Variants in PACSIN2 observed in about 807,000 individuals in gnomAD.
PACSIN2 encodes protein kinase C and casein kinase substrate in neurons 2, also known as protein kinase C and casein kinase substrate in neurons protein 2.
In PACSIN2, 25 loss-of-function variants were observed where a neutral mutation model predicts 63.8. The ratio of observed to expected loss-of-function variants is 0.39; its 90% CI spans 0.29 to 0.55. The LOEUF (loss-of-function observed/expected upper bound fraction) is 0.55. Among genes scored for constraint, PACSIN2 ranks in the 20% least tolerant of loss-of-function variants. The probability of loss-of-function intolerance (pLI) is 0.62; values close to 1 mark genes in which losing one functional copy is unlikely to be tolerated. For missense variants in PACSIN2, 518 were observed against 646.9 expected, an observed-to-expected ratio of 0.80 and a Z score of 2.16; for synonymous variants, 255 against 256.2, an observed-to-expected ratio of 1.00 and a Z score of 0.05.
rs564464326 is a variant in PACSIN2 at position 42,923,669 on chromosome 22, C to T, written c.-77-11512G>A. On this transcript the variant is annotated intron_variant, in intron 1 of 10. Coordinates refer to ENST00000263246, the MANE Select transcript of PACSIN2 (RefSeq NM_001184970.3). ...GTCTCGATCTCCTGACCTCGTGATCCGCCCGCCTCGGCCTCCCAAAGTGCT... is the reference window on the plus strand; with the variant it reads ...GTCTCGATCTCCTGACCTCGTGATCTGCCCGCCTCGGCCTCCCAAAGTGCT... 9.9e-5 allele frequency among the ~76,000 whole-genome samples: 15 copies of T among 152,248 alleles called. No homozygotes were observed. The Middle Eastern group carries it at 0.014, about 138-fold the overall frequency.
At chr22:42,989,624 G>A (rs1433217995) in intron 1 of PACSIN2, among the ~76,000 whole-genome samples, 5 of 149,684 alleles carry the variant, frequency 3.3e-5, no homozygotes, top group East Asian at 2.0e-4. Context: ...GTGAAACCCC[G>A]TCTCTACTAA....
chr22:42,910,909 ATT>A (rs67845012), intron 2 of PACSIN2, among the ~76,000 whole-genome samples: 1 of 146,938 alleles, frequency 6.8e-6, no homozygotes, highest in Non-Finnish European at 1.5e-5. Flanking sequence ...TTAACACATA[ATT>A]TTTTTTTTTT....
intron 1 of PACSIN2, among the ~76,000 whole-genome samples, chr22:42,915,315 C>T (rs1931740488): frequency 6.6e-6 from 1 of 152,168 alleles, no homozygotes; most frequent in African/African-American, 2.4e-5. Flanking sequence ...AGGACATATG[C>T]TCTTAGCTGA....
At chr22:42,969,608 A>G (rs1921091377) in intron 1 of PACSIN2, among the ~76,000 whole-genome samples, 2 of 152,186 alleles carry the variant, frequency 1.3e-5, no homozygotes. Context: ...GTAGATTGGA[A>G]ATAGTTTTCC....
At position 42,870,146 on chromosome 22, in the gene PACSIN2, G is replaced by A. The variant is rs897152332; in HGVS notation, c.*1211C>T. 1 of 152,162 alleles carries A rather than the reference G, an allele frequency of 6.6e-6. No homozygotes were observed. Among genetic ancestry groups the A allele is most frequent in the Non-Finnish European group, 1.5e-5 (1 of 68,050 alleles). 9.4% of individuals were successfully genotyped at this position (152,162 alleles called of 1,614,324 possible). On this transcript the variant is annotated 3_prime_UTR_variant, in exon 11 of 11. Coordinates refer to ENST00000263246, the MANE Select transcript of PACSIN2 (RefSeq NM_001184970.3). ...GTGCTGCGGGTAAGACCCAGCTTCT[G>A]TTTGTGCACAAGTAACACGACGACT...
chr22:42,876,741 G>A (rs1449050067), intron 9 of PACSIN2, 147 bp downstream of exon 9: 4 of 947,532 alleles, frequency 4.2e-6, no homozygotes, highest in Non-Finnish European at 6.6e-6. Flanking sequence ...AGAGCAGGTA[G>A]TGGGCCAGGG....
intron 6 of PACSIN2, among the ~76,000 whole-genome samples, chr22:42,882,830 AG>A (rs1929181931): frequency 6.6e-6 from 1 of 152,054 alleles, no homozygotes; most frequent in Non-Finnish European, 1.5e-5. Context: ...CTGCCCTGCC[AG>A]GGAAGAGTAT....
At chr22:42,950,424 G>GAGGGAGAGAGGGGACC (rs1933638875) in intron 1 of PACSIN2, among the ~76,000 whole-genome samples, 4 of 260 alleles carry the variant, frequency 0.015, no homozygotes, top group Admixed American at 0.05. Context: ...AGGGAAGGGA[G>GAGGGAGAGAGGGGACC]TGGGCAGGTG....
intron 1 of PACSIN2, among the ~76,000 whole-genome samples, chr22:42,977,837 G>T (rs1485647364): frequency 1.3e-5 from 2 of 152,154 alleles, no homozygotes; most frequent in Non-Finnish European, 2.9e-5. Context: ...CTTCCACCAT[G>T]ATTGTAGTTT....
At chr22:42,979,523 C>CAAAAAAAAAAAAAA (rs768725896) in intron 1 of PACSIN2, among the ~76,000 whole-genome samples, 1 of 61,644 alleles carries the variant, frequency 1.6e-5, no homozygotes, top group Non-Finnish European at 3.2e-5. Flanking sequence ...GACTCCCTCT[C>CAAAAAAAAAAAAAA]AAAAAAAAAA....
intron 1 of PACSIN2, among the ~76,000 whole-genome samples, chr22:43,002,002 G>C (rs1923797823): frequency 6.6e-6 from 1 of 152,172 alleles, no homozygotes; most frequent in Non-Finnish European, 1.5e-5. Flanking sequence ...TGGAGGGTAG[G>C]AAAGTCAGTC....
chr22:43,010,398 A>ATTTTTTTTTT (rs1555950816), intron 1 of PACSIN2, among the ~76,000 whole-genome samples: 2 of 126,396 alleles, frequency 1.6e-5, no homozygotes, highest in African/African-American at 5.7e-5. Context: ...ATATATATAT[A>ATTTTTTTTTT]TTTTTTTTTA....
intron 1 of PACSIN2, among the ~76,000 whole-genome samples, chr22:42,932,242 C>T (rs1932794025): frequency 6.6e-6 from 1 of 152,188 alleles, no homozygotes; most frequent in Non-Finnish European, 1.5e-5. Context: ...TTCCCTCTGC[C>T]AGGAATGTTC....
At chr22:42,982,869 T>TAAAAAAAAAAAAAAAAAAAAA (rs1252040629) in intron 1 of PACSIN2, among the ~76,000 whole-genome samples, 3 of 44,014 alleles carry the variant, frequency 6.8e-5, no homozygotes, top group African/African-American at 1.4e-4. Flanking sequence ...GAATGATCAA[T>TAAAAAAAAAAAAAAAAAAAAA]AAAAAAAAAA....
At chr22:42,902,907 C>T (rs1930798261) in intron 2 of PACSIN2, among the ~76,000 whole-genome samples, 1 of 152,230 alleles carries the variant, frequency 6.6e-6, no homozygotes, top group Non-Finnish European at 1.5e-5. Flanking sequence ...AGCCACCGCG[C>T]CCGGCCTATT....
At chr22:42,957,069 T>C (rs1933945553) in intron 1 of PACSIN2, among the ~76,000 whole-genome samples, 1 of 151,930 alleles carries the variant, frequency 6.6e-6, no homozygotes, top group Admixed American at 6.5e-5. Flanking sequence ...ACTAAGCCAC[T>C]GCGGCTCCTG....
At position 42,869,819 on chromosome 22, in the gene PACSIN2, A is replaced by G. The variant is rs1302574488; in HGVS notation, c.*1538T>C. 1.3e-5 allele frequency: 2 copies of G among 152,326 alleles called. No individual in the cohort carries two copies. Among genetic ancestry groups the G allele is most frequent in the Non-Finnish European group, 2.9e-5 (2 of 68,050 alleles). The allele number at this position is 152,326 out of a possible 1,614,324, so 9.4% of individuals were successfully genotyped here. A position where few individuals can be genotyped will look rare whatever the true frequency, so the allele number is the denominator to read the frequency against. On this transcript the variant is annotated 3_prime_UTR_variant, in exon 11 of 11. Coordinates refer to ENST00000263246, the MANE Select transcript of PACSIN2 (RefSeq NM_001184970.3). ...TGATTTTTTTCCTCAAATACTACAC[A>G]TGTAAAGGAACTGTTAAACTGAAAA...
At chr22:42,926,640 A>G (rs918312508) in intron 1 of PACSIN2, among the ~76,000 whole-genome samples, 16 of 151,216 alleles carry the variant, frequency 1.1e-4, no homozygotes, top group African/African-American at 3.9e-4. Flanking sequence ...GTTTCACTCA[A>G]CATGACAGAC....
At position 42,945,154 on chromosome 22, in the gene PACSIN2, T is replaced by C. The variant is rs536042788; in HGVS notation, c.-77-32997A>G. 3.3e-5 allele frequency among the ~76,000 whole-genome samples: 5 copies of C among 150,920 alleles called. No homozygotes were observed. The South Asian group carries it at 1.0e-3, about 32-fold the overall frequency. On this transcript the variant is annotated intron_variant, in intron 1 of 10. Transcript: ENST00000263246. ...ATCTCCGTATCCCCAGTGCTTAGCATGAGGTAGATGCTCAAATGAGTCTGC... is the reference window on the plus strand; with the variant it reads ...ATCTCCGTATCCCCAGTGCTTAGCACGAGGTAGATGCTCAAATGAGTCTGC...
Sources: gnomAD v4.1 joint callset for allele counts (sites outside exome capture counted in the v4.1 genomes callset) on GRCh38, gnomAD v4.1.1 for gene constraint, MANE v1.5 for transcripts, NCBI Gene and HGNC (gene_info 2026-07-23, HGNC 2026-07-21) for gene names.